The following PARD3 variants were observed in gnomAD, a reference collection of about 807,000 sequenced individuals.
The protein encoded by PARD3 is partitioning defective 3 homolog.
In PARD3, 75 loss-of-function variants were observed where a neutral mutation model predicts 155.4. The ratio of observed to expected loss-of-function variants is 0.48; its 90% confidence interval spans 0.40 to 0.58. PARD3 has a LOEUF of 0.58. Ranked by LOEUF, PARD3 falls within the 20% of genes least tolerant of loss-of-function variation. PARD3 has a pLI of 0.00. For missense variants in PARD3, 1,642 were observed against 1,721.7 expected, an observed-to-expected ratio of 0.95 and a Z score of 0.82; for synonymous variants, 576 against 610.5, an observed-to-expected ratio of 0.94 and a Z score of 0.83.
At chr10:34,436,363 C>T (rs2076187693) in intron 5 of PARD3, among the ~76,000 whole-genome samples, 1 of 152,172 alleles carries the variant, frequency 6.6e-6, no homozygotes, top group African/African-American at 2.4e-5. Context: ...CAACAGCCTT[C>T]TGCTTTAGAG....
chr10:34,216,003 T>C (rs1263521630), intron 22 of PARD3, among the ~76,000 whole-genome samples: 2 of 152,122 alleles, frequency 1.3e-5, no homozygotes, highest in Non-Finnish European at 2.9e-5. Flanking sequence ...TGAAAACAAA[T>C]AAATGGGTAT....
At chr10:34,489,786 G>A (rs547588396) in intron 3 of PARD3, among the ~76,000 whole-genome samples, 1 of 152,254 alleles carries the variant, frequency 6.6e-6, no homozygotes, top group African/African-American at 2.4e-5. Flanking sequence ...CATTCACTAT[G>A]GGTTATGTAT....
At chr10:34,121,294 C>T (rs1308259744) in intron 23 of PARD3, among the ~76,000 whole-genome samples, 1 of 152,148 alleles carries the variant, frequency 6.6e-6, no homozygotes, top group Non-Finnish European at 1.5e-5. Context: ...TACAATGGTG[C>T]CTCTACATTT....
At chr10:34,346,852 G>C (rs1837483982) in intron 15 of PARD3, among the ~76,000 whole-genome samples, 1 of 152,202 alleles carries the variant, frequency 6.6e-6, no homozygotes, top group Admixed American at 6.5e-5. Flanking sequence ...AAACTAGAAA[G>C]CTAGAGAGAT....
intron 2 of PARD3, among the ~76,000 whole-genome samples, chr10:34,552,365 A>T (rs2762529): frequency 6.6e-6 from 1 of 152,178 alleles, no homozygotes; most frequent in Admixed American, 6.5e-5. Context: ...CCTCCCAAAG[A>T]CTGGGATTAC....
intron 1 of PARD3, among the ~76,000 whole-genome samples, chr10:34,814,626 A>G (rs1480467704): frequency 4.0e-5 from 6 of 151,490 alleles, no homozygotes; most frequent in African/African-American, 1.2e-4. Flanking sequence ...CCGAGGCCGG[A>G]GCTCCCGGGC....
At chr10:34,407,960 A>T (rs1844666266) in intron 5 of PARD3, among the ~76,000 whole-genome samples, 1 of 152,220 alleles carries the variant, frequency 6.6e-6, no homozygotes, top group African/African-American at 2.4e-5. Context: ...AAACAGGAAC[A>T]CAAATGTTTA....
chr10:34,165,826 T>C (rs1166183760), intron 22 of PARD3, among the ~76,000 whole-genome samples: 4 of 152,224 alleles, frequency 2.6e-5, no homozygotes, highest in Non-Finnish European at 5.9e-5. Context: ...ATATCCCATA[T>C]CAATGGTCAT....
intron 2 of PARD3, among the ~76,000 whole-genome samples, chr10:34,517,417 C>A (rs1294387294): frequency 6.6e-6 from 1 of 152,002 alleles, no homozygotes; most frequent in Admixed American, 6.5e-5. Flanking sequence ...GCTATCACAG[C>A]ATGCTAAGTC....
intron 7 of PARD3, among the ~76,000 whole-genome samples, chr10:34,386,096 C>T (rs981085004): frequency 6.6e-6 from 1 of 152,082 alleles, no homozygotes; most frequent in Non-Finnish European, 1.5e-5. Flanking sequence ...TTAGTAAGGT[C>T]AACGATTAAT....
intron 22 of PARD3, among the ~76,000 whole-genome samples, chr10:34,170,099 A>G (rs145751318): frequency 2.6e-5 from 4 of 152,228 alleles, no homozygotes; most frequent in South Asian, 4.1e-4. Context: ...TGTTGTTGCT[A>G]TTTTTTGAGA....
Position 34,399,394 on chromosome 10 carries a change from C to T in PARD3, c.826G>A (p.Glu276Lys). 10 of 1,610,660 alleles carry T rather than the reference C, an allele frequency of 6.2e-6. No individual in the cohort carries two copies. The highest frequency in any genetic ancestry group is 8.5e-6 in the Non-Finnish European group (10 of 1,176,932). The change falls in exon 7 of 25, where the codon GAA (glutamate) becomes AAA (lysine). Residue 276 changes from glutamate to lysine, a missense_variant. Around this residue, in one of 3 missense-constraint regions of PARD3, gnomAD observed 1,529 missense variants for 1,587.3 expected, o/e 0.96. Coordinates refer to ENST00000374788, the MANE Select transcript of PARD3 (RefSeq NM_001184785.2). ...AGAGGCCCTCCATCGTTGGGGACTT[C>T]TACGAGCTTTACCATATCACTGTGA... ...FSLDDMVKLV[E>K]VPNDGGPLGI...
At chr10:34,330,548 A>G (rs1835506230) in intron 19 of PARD3, among the ~76,000 whole-genome samples, 1 of 152,184 alleles carries the variant, frequency 6.6e-6, no homozygotes. Context: ...CAGGTACTCA[A>G]TGGAGACATC....
At chr10:34,644,458 G>A (rs1472979773) in intron 2 of PARD3, among the ~76,000 whole-genome samples, 1 of 152,374 alleles carries the variant, frequency 6.6e-6, no homozygotes, top group East Asian at 1.9e-4. Context: ...CAGCATGGCT[G>A]GTGCCGGCTG....
At chr10:34,279,038 T>C (rs904738898) in intron 21 of PARD3, among the ~76,000 whole-genome samples, 4 of 152,098 alleles carry the variant, frequency 2.6e-5, no homozygotes, top group African/African-American at 9.7e-5. Context: ...GAAAGCAAAC[T>C]GCATTTTCCT....
At chr10:34,762,262 G>GA (rs1025429726) in intron 1 of PARD3, among the ~76,000 whole-genome samples, 1 of 142,552 alleles carries the variant, frequency 7.0e-6, no homozygotes, top group African/African-American at 2.5e-5. Flanking sequence ...GGGAGAGGGA[G>GA]AGAGAGAGAG....
At chr10:34,470,791 A>G (rs910675220) in intron 3 of PARD3, among the ~76,000 whole-genome samples, 1 of 152,224 alleles carries the variant, frequency 6.6e-6, no homozygotes, top group Admixed American at 6.5e-5. Context: ...CCTTTTAATC[A>G]TATCTACTGT....
intron 2 of PARD3, among the ~76,000 whole-genome samples, chr10:34,534,052 G>A (rs527855): frequency 0.4 from 61,241 of 151,752 alleles, 12,415 homozygotes; most frequent in South Asian, 0.45. Flanking sequence ...AACTTTTGGA[G>A]GCAGGTCTAC....
intron 1 of PARD3, among the ~76,000 whole-genome samples, chr10:34,711,502 A>C (rs1236292015): frequency 2.0e-5 from 3 of 152,220 alleles, no homozygotes; most frequent in Admixed American, 6.5e-5. Context: ...GCCTGGGCAC[A>C]GGGCGAGACT....
Sources: allele counts gnomAD v4.1 joint callset (sites outside exome capture counted in the v4.1 genomes callset), GRCh38; gene constraint gnomAD v4.1.1; regional missense constraint gnomAD v4.1.1; transcripts MANE v1.5; gene names NCBI Gene and HGNC (gene_info 2026-07-23, HGNC 2026-07-21).